Variants in PLAC8L1 observed in about 807,000 individuals in gnomAD.
PLAC8L1 encodes PLAC8-like protein 1.
A neutral mutation model predicts 16.3 loss-of-function variants in PLAC8L1; 13 were observed. The observed-to-expected ratio is 0.80, with a 90% CI of 0.52 to 1.27. The LOEUF (loss-of-function observed/expected upper bound fraction) is 1.27, where lower values mean the gene tolerates loss of function less well. Ranked by LOEUF, PLAC8L1 falls within the 50% of genes most tolerant of loss-of-function variation. The probability of loss-of-function intolerance (pLI) is 0.00; values close to 1 mark genes in which losing one functional copy is unlikely to be tolerated. For synonymous variants in PLAC8L1, 78 were observed against 79.3 expected (o/e 0.98, Z 0.09); for missense variants, 184 against 220.2 (o/e 0.84, Z 1.04).
rs145239554 is a variant in PLAC8L1, at chr5:146,087,585, C to A, written c.257-1988G>T. 2.2e-3 allele frequency among the ~76,000 whole-genome samples: 332 copies of A among 152,308 alleles called. 3 individuals are homozygous for A. Among genetic ancestry groups the A allele is most frequent in the African/African-American group, 7.8e-3 (323 of 41,574 alleles). On this transcript the variant is annotated intron_variant, in intron 2 of 3. Coordinates refer to ENST00000311450, the MANE Select transcript of PLAC8L1 (RefSeq NM_001029869.3). ...TCAGGCTGGGGTGCGGTGGCACGAT[C>A]ATGGCTCACTGCAGCCTCAACCTCC...
rs1006323854 is a variant in PLAC8L1, at chr5:146,089,797, G to A, written c.257-4200C>T. ...TCTGTCGCCCAGGCTGGAGTTCAAT[G>A]GCACAATCTCAGCTCACTGCAACCT... On this transcript the variant is annotated intron_variant, in intron 2 of 3. Coordinates refer to ENST00000311450, the MANE Select transcript of PLAC8L1 (RefSeq NM_001029869.3). Among the ~76,000 whole-genome samples, 5 of 147,766 alleles carry A rather than the reference G, an allele frequency of 3.4e-5. No individual in the cohort carries two copies. The Admixed American group carries it at 3.4e-4, about 10-fold the overall frequency.
At chr5:146,092,179 A>G (rs1763631416) in intron 2 of PLAC8L1, among the ~76,000 whole-genome samples, 1 of 152,234 alleles carries the variant, frequency 6.6e-6, no homozygotes, top group African/African-American at 2.4e-5. Flanking sequence ...AGCAAGGCAT[A>G]TTTCAGATCA....
At chr5:146,087,630 C>T (rs1763538838) in intron 2 of PLAC8L1, among the ~76,000 whole-genome samples, 1 of 152,202 alleles carries the variant, frequency 6.6e-6, no homozygotes, top group Non-Finnish European at 1.5e-5. Flanking sequence ...GCGATCCTCT[C>T]ATCCTTTCAT....
rs1384994151 is a variant in PLAC8L1 at position 146,098,209 on chromosome 5, G to A, written c.203C>T (p.Thr68Ile). The change falls in exon 2 of 4, where the codon ACT becomes ATT. Residue 68 changes from threonine to isoleucine, a missense_variant. Coordinates refer to ENST00000311450, the MANE Select transcript of PLAC8L1 (RefSeq NM_001029869.3). ...GRTTITAIVQ[T>I]GGGWSTGLFS... ...GAGACCGGTGCTCCAGCCCCCGCCA[G>A]TCTGGACAATTGCTGTGATTGTCGT... 1 of 1,614,150 alleles carries A rather than the reference G, an allele frequency of 6.2e-7. No individual in the cohort carries two copies. The highest frequency in any genetic ancestry group is 1.3e-5 in the African/African-American group (1 of 75,068).
intron 1 of PLAC8L1, among the ~76,000 whole-genome samples, chr5:146,101,652 T>A (rs1458434409): frequency 6.6e-6 from 1 of 152,144 alleles, no homozygotes; most frequent in Admixed American, 6.5e-5. Flanking sequence ...TATATTTGAG[T>A]CCTCCTCAAG....
chr5:146,095,317 C>T (rs1212324257), intron 2 of PLAC8L1, among the ~76,000 whole-genome samples: 3 of 152,116 alleles, frequency 2.0e-5, no homozygotes, highest in Non-Finnish European at 4.4e-5. Context: ...TTTTCCTCCC[C>T]TTGTCACTAG....
rs573575869 is a variant in PLAC8L1, at chr5:146,092,899, G to GT, written c.256+5256dup. 1.7e-3 allele frequency among the ~76,000 whole-genome samples: 251 copies of GT among 150,676 alleles called. 2 individuals are homozygous for GT. The highest frequency in any genetic ancestry group is 5.6e-3 in the African/African-American group (230 of 41,128). Reference sequence around the variant, plus strand: ...TGATATGGTCTGATCACCTAGGTATGTTTTTTTTTCCTTTTATACTTCTTT... The same window carrying GT: ...TGATATGGTCTGATCACCTAGGTATGTTTTTTTTTTCCTTTTATACTTCTTT... On this transcript the variant is annotated intron_variant, in intron 2 of 3. Coordinates refer to ENST00000311450, the MANE Select transcript of PLAC8L1 (RefSeq NM_001029869.3).
At chr5:146,095,208 T>C (rs1029728493) in intron 2 of PLAC8L1, among the ~76,000 whole-genome samples, 1 of 152,158 alleles carries the variant, frequency 6.6e-6, no homozygotes, top group Admixed American at 6.5e-5. Flanking sequence ...GGAACAAAAA[T>C]TACAACACAA....
intron 1 of PLAC8L1, among the ~76,000 whole-genome samples, chr5:146,098,724 G>A (rs533781011): frequency 3.3e-5 from 5 of 152,294 alleles, no homozygotes; most frequent in Non-Finnish European, 5.9e-5. Context: ...CATCTGATTC[G>A]TTTACTGTGC....
In PLAC8L1 at chr5:146,093,452, CG is replaced by C. The variant is rs529907835; in HGVS notation, c.256+4703del. Among the ~76,000 whole-genome samples, 8 of 152,274 alleles carry C rather than the reference CG, an allele frequency of 5.3e-5. No individual in the cohort carries two copies. The South Asian group carries it at 1.4e-3, about 28-fold the overall frequency. On this transcript the variant is annotated intron_variant, in intron 2 of 3. Coordinates refer to ENST00000311450, the MANE Select transcript of PLAC8L1 (RefSeq NM_001029869.3). ...GAAGTGCTCAGAAAGTCGAGGCTGT[CG>C]GGTCTTTGCCACGCACGTTGCAGAG... is the stretch of plus-strand genomic sequence containing the variant.
rs755409950 is a variant in PLAC8L1, at chr5:146,098,198, A to G, written c.214T>C (p.Trp72Arg). The change falls in exon 2 of 4, where the codon TGG becomes CGG. Residue 72 changes from tryptophan (W) to arginine (R), a missense_variant. Trp to Arg is a moderately radical substitution (Grantham distance 101). Coordinates refer to ENST00000311450, the MANE Select transcript of PLAC8L1 (RefSeq NM_001029869.3). ...CAGACACTGAAGAGACCGGTGCTCC[A>G]GCCCCCGCCAGTCTGGACAATTGCT... Reference protein sequence around the residue: ...ITAIVQTGGGWSTGLFSVCRD... With the variant: ...ITAIVQTGGGRSTGLFSVCRD... The G allele has an allele frequency of 1.2e-5, 19 of 1,613,952 alleles. No individual in the cohort carries two copies. The highest frequency in any genetic ancestry group is 1.5e-5 in the Non-Finnish European group (18 of 1,179,986).
At chr5:146,104,033 C>T in intron 1 of PLAC8L1, 160 bp downstream of exon 1, 1 of 985,432 alleles carries the variant, frequency 1.0e-6, no homozygotes, top group Non-Finnish European at 1.2e-6. Flanking sequence ...CCAGAAGGAA[C>T]AAATCAGTTG....
chr5:146,085,716 C>A, intron 2 of PLAC8L1, 119 bp from the exon 3 acceptor site: 1 of 1,109,460 alleles, frequency 9.0e-7, no homozygotes, highest in South Asian at 2.4e-5. Flanking sequence ...TCCCTGCTAT[C>A]AGACTGAGAA....
At chr5:146,091,243 C>T (rs746638810) in intron 2 of PLAC8L1, among the ~76,000 whole-genome samples, 2 of 152,196 alleles carry the variant, frequency 1.3e-5, no homozygotes, top group Non-Finnish European at 2.9e-5. Flanking sequence ...AATGCTTATA[C>T]ATGCTCACAA....
At chr5:146,099,022 T>C (rs533551110) in intron 1 of PLAC8L1, among the ~76,000 whole-genome samples, 1 of 152,278 alleles carries the variant, frequency 6.6e-6, no homozygotes, top group African/African-American at 2.4e-5. Flanking sequence ...AATTAGAAAA[T>C]GAAAACCTGG....
rs139602030 is a variant in PLAC8L1, at chr5:146,104,211, T to A, written c.101A>T (p.His34Leu). 2 of 1,613,644 alleles carry A rather than the reference T, an allele frequency of 1.2e-6. No homozygotes were observed. The highest frequency in any genetic ancestry group is 1.7e-5 in the Admixed American group (1 of 59,994). The change falls in exon 1 of 4, where the codon CAT becomes CTT. Residue 34 changes from histidine (H) to leucine (L), a missense_variant. Physicochemically the swap from His to Leu is moderately conservative, Grantham distance 99 (BLOSUM62 -3). Transcript: ENST00000311450. ...TCCCTACCTCAAGTTGGAAATAAAA[T>A]GTTCATCTTCAGATGACATGTGTGA... is the stretch of plus-strand genomic sequence containing the variant. ...LLSHMSSEDE[H>L]FISNLRGHVP...
intron 2 of PLAC8L1, 123 bp downstream of exon 2, chr5:146,098,033 A>G (rs1362179715): frequency 2.0e-5 from 23 of 1,169,980 alleles, no homozygotes; most frequent in Non-Finnish European, 2.5e-5. Context: ...TCACTGAAAG[A>G]TTAGTCCAGT....
chr5:146,092,755 C>G (rs1387809063), intron 2 of PLAC8L1, among the ~76,000 whole-genome samples: 1 of 152,074 alleles, frequency 6.6e-6, no homozygotes, highest in Non-Finnish European at 1.5e-5. Flanking sequence ...CCAGGCTGGT[C>G]TCAAACTCCT....
At chr5:146,101,135 T>C (rs1763808745) in intron 1 of PLAC8L1, among the ~76,000 whole-genome samples, 1 of 142,344 alleles carries the variant, frequency 7.0e-6, no homozygotes, top group Admixed American at 7.5e-5. Context: ...AGGAAGAGGC[T>C]GCAATGAGCC....
Sources: allele counts gnomAD v4.1 joint callset (sites outside exome capture counted in the v4.1 genomes callset), GRCh38; gene constraint gnomAD v4.1.1; transcripts MANE v1.5; gene names NCBI Gene and HGNC (gene_info 2026-07-23, HGNC 2026-07-21).